Variants in QTMAN observed in about 807,000 individuals in gnomAD.
QTMAN encodes queuosine-tRNA mannosyltransferase, also known as tRNA-queuosine alpha-mannosyltransferase.
the QTMAN span, among the ~76,000 whole-genome samples, chr2:143,999,424 T>TA: frequency 0.053 from 7,897 of 147,632 alleles, 332 homozygotes; most frequent in African/African-American, 0.12. Flanking sequence ...ATATTAGCCT[T>TA]AAAAAAAAAA....
the QTMAN span, among the ~76,000 whole-genome samples, chr2:144,101,875 T>C: frequency 2.0e-5 from 3 of 152,190 alleles, no homozygotes; most frequent in Admixed American, 1.3e-4. Flanking sequence ...TTGTTCTGTG[T>C]CATTCAAAAT....
the QTMAN span, among the ~76,000 whole-genome samples, chr2:144,267,473 T>G: frequency 2.6e-5 from 4 of 152,200 alleles, no homozygotes; most frequent in Non-Finnish European, 5.9e-5. Context: ...TGGTCACCAG[T>G]GACCTTCACG....
At chr2:144,188,080 T>C in the QTMAN span, among the ~76,000 whole-genome samples, 1 of 152,214 alleles carries the variant, frequency 6.6e-6, no homozygotes, top group South Asian at 2.1e-4. Context: ...AGAGGGAGTG[T>C]GGCCCTGCTG....
At chr2:144,258,459 T>G in the QTMAN span, among the ~76,000 whole-genome samples, 1 of 152,192 alleles carries the variant, frequency 6.6e-6, no homozygotes, top group African/African-American at 2.4e-5. Context: ...AGAAAATCAA[T>G]TCTGGCCTTA....
chr2:143,975,663 CG>C, the QTMAN span, among the ~76,000 whole-genome samples: 1 of 152,138 alleles, frequency 6.6e-6, no homozygotes, highest in Non-Finnish European at 1.5e-5. Flanking sequence ...CACTTTCAGA[CG>C]AAAGTATCTA....
the QTMAN span, among the ~76,000 whole-genome samples, chr2:144,015,391 G>A: frequency 2.6e-5 from 4 of 152,106 alleles, no homozygotes; most frequent in South Asian, 8.3e-4. Flanking sequence ...GCCCACTGGT[G>A]GTCAATTTCC....
the QTMAN span, among the ~76,000 whole-genome samples, chr2:144,001,217 A>G: frequency 1.3e-5 from 2 of 152,024 alleles, no homozygotes; most frequent in South Asian, 2.1e-4. Context: ...AGAGTAATTT[A>G]TTTTAGTACC....
the QTMAN span, among the ~76,000 whole-genome samples, chr2:144,259,209 AGTGC>A: frequency 5.3e-5 from 8 of 152,142 alleles, no homozygotes; most frequent in Admixed American, 2.0e-4. Context: ...CCCAGGCTGG[AGTGC>A]AGTGGCACAA....
the QTMAN span, among the ~76,000 whole-genome samples, chr2:144,203,065 A>T: frequency 6.6e-6 from 1 of 152,220 alleles, no homozygotes; most frequent in African/African-American, 2.4e-5. Context: ...ACAAAGGAAC[A>T]CAAAGAAACA....
At chr2:143,951,944 T>C in the QTMAN span, 6 of 935,446 alleles carry the variant, frequency 6.4e-6, no homozygotes, top group Non-Finnish European at 1.0e-5. Flanking sequence ...TACTTCAATA[T>C]GGCATTTATA....
At chr2:144,197,313 G>A in the QTMAN span, among the ~76,000 whole-genome samples, 1 of 151,052 alleles carries the variant, frequency 6.6e-6, no homozygotes, top group Non-Finnish European at 1.5e-5. Context: ...GTGTGTGTGT[G>A]TGTGTGTATA....
the QTMAN span, among the ~76,000 whole-genome samples, chr2:144,065,240 A>G: frequency 6.6e-6 from 1 of 152,200 alleles, no homozygotes; most frequent in African/African-American, 2.4e-5. Context: ...ATCAAGACCA[A>G]ACAAACCTAC....
the QTMAN span, among the ~76,000 whole-genome samples, chr2:144,143,905 G>C: frequency 1.3e-5 from 2 of 151,886 alleles, no homozygotes; most frequent in Admixed American, 6.6e-5. Context: ...GCAGAAGTCA[G>C]CAAGAAAACT....
At chr2:143,938,201 T>C in the QTMAN span, 1 of 152,192 alleles carries the variant, frequency 6.6e-6, no homozygotes, top group African/African-American at 2.4e-5. Context: ...TTCCCCTCCA[T>C]GGCTCTGCGG....
the QTMAN span, chr2:144,177,142 A>G: frequency 5.7e-6 from 4 of 702,432 alleles, no homozygotes; most frequent in Non-Finnish European, 1.0e-5. Context: ...CACCTGCAAC[A>G]TTGGTGATTA....
chr2:143,955,964 G>C, the QTMAN span, among the ~76,000 whole-genome samples: 1 of 152,218 alleles, frequency 6.6e-6, no homozygotes, highest in African/African-American at 2.4e-5. Flanking sequence ...CCGAGTGGTA[G>C]TGGTCCATCT....
the QTMAN span, among the ~76,000 whole-genome samples, chr2:144,198,745 C>T: frequency 2.0e-5 from 3 of 152,126 alleles, no homozygotes; most frequent in Non-Finnish European, 4.4e-5. Context: ...TGCCCATCAC[C>T]TATAGTAAAA....
At chr2:144,202,610 T>C in the QTMAN span, among the ~76,000 whole-genome samples, 1 of 152,212 alleles carries the variant, frequency 6.6e-6, no homozygotes, top group East Asian at 1.9e-4. Flanking sequence ...TTGCATCCAT[T>C]TGGGGATGAG....
chr2:144,319,478 G>A, the QTMAN span, among the ~76,000 whole-genome samples: 1 of 152,042 alleles, frequency 6.6e-6, no homozygotes, highest in African/African-American at 2.4e-5. Flanking sequence ...ATTATGGAAT[G>A]ATAATATAAT....
Sources: gnomAD v4.1 joint callset for allele counts (sites outside exome capture counted in the v4.1 genomes callset) on GRCh38, gnomAD v4.1.1 for gene constraint, MANE v1.5 for transcripts, NCBI Gene and HGNC (gene_info 2026-07-23, HGNC 2026-07-21) for gene names.